Variants in BANK1 observed in about 807,000 individuals in gnomAD.
The protein encoded by BANK1 is B-cell scaffold protein with ankyrin repeats.
BANK1 carries 95 observed loss-of-function variants against 94.5 expected under a neutral mutation model. The observed-to-expected ratio is 1.00, with a 90% CI of 0.85 to 1.19. The LOEUF (loss-of-function observed/expected upper bound fraction) is 1.19, where lower values mean the gene tolerates loss of function less well. Among genes scored for constraint, BANK1 ranks in the 50% most tolerant of loss-of-function variants. The pLI is 0.00. For missense variants in BANK1, 987 were observed against 932.2 expected (o/e 1.06, Z -0.77); for synonymous variants, 334 against 308.4 (o/e 1.08, Z -0.87).
At chr4:101,937,305 T>G (rs1269590625) in intron 7 of BANK1, among the ~76,000 whole-genome samples, 1 of 151,516 alleles carries the variant, frequency 6.6e-6, no homozygotes, top group Non-Finnish European at 1.5e-5. Flanking sequence ...AGACAACCTA[T>G]AGAATAGGAG....
At chr4:101,922,089 G>A (rs1281909196) in intron 7 of BANK1, among the ~76,000 whole-genome samples, 2 of 150,552 alleles carry the variant, frequency 1.3e-5, no homozygotes, top group Non-Finnish European at 3.0e-5. Flanking sequence ...TCCAGTATCT[G>A]ACTGACAGGC....
intron 5 of BANK1, among the ~76,000 whole-genome samples, chr4:101,894,407 C>A (rs1721992275): frequency 6.6e-6 from 1 of 151,982 alleles, no homozygotes; most frequent in Non-Finnish European, 1.5e-5. Flanking sequence ...GAGACCTAAA[C>A]CACTTTATTA....
At chr4:101,974,850 G>A (rs144079848) in intron 7 of BANK1, among the ~76,000 whole-genome samples, 11 of 151,984 alleles carry the variant, frequency 7.2e-5, no homozygotes, top group South Asian at 2.1e-4. Flanking sequence ...CCAGCTACTC[G>A]GGAGGCTGAG....
Position 101,814,607 on chromosome 4 carries a change from T to C in BANK1, c.71-15201T>C, listed in dbSNP as rs368195231. On this transcript the variant is annotated intron_variant, in intron 1 of 16. Coordinates refer to ENST00000322953, the MANE Select transcript of BANK1 (RefSeq NM_017935.5). ...GAGTTTTATTTCATTTTGTCAATAATACTGCCTGTGGTATGGTTTGATACT... is the reference window on the plus strand; with the variant it reads ...GAGTTTTATTTCATTTTGTCAATAACACTGCCTGTGGTATGGTTTGATACT... 2.6e-5 allele frequency among the ~76,000 whole-genome samples: 4 copies of C among 152,328 alleles called. No individual in the cohort carries two copies. In the East Asian group the frequency reaches 5.8e-4, roughly 22 times the overall value.
At chr4:101,903,873 G>A (rs1722360198) in intron 6 of BANK1, among the ~76,000 whole-genome samples, 1 of 152,124 alleles carries the variant, frequency 6.6e-6, no homozygotes, top group Non-Finnish European at 1.5e-5. Flanking sequence ...ATTTTATCAG[G>A]AGCTGTAATT....
chr4:101,848,571 C>G (rs919486673), intron 2 of BANK1, among the ~76,000 whole-genome samples: 1 of 152,140 alleles, frequency 6.6e-6, no homozygotes, highest in Non-Finnish European at 1.5e-5. Context: ...GATCCATTTG[C>G]TAAGATAATA....
chr4:101,969,057 T>G (rs1430465082), intron 7 of BANK1, among the ~76,000 whole-genome samples: 2 of 152,054 alleles, frequency 1.3e-5, no homozygotes, highest in African/African-American at 4.8e-5. Context: ...GAGAGTCGTC[T>G]CTACCATAGA....
chr4:101,810,426 G>T (rs181389318), intron 1 of BANK1, among the ~76,000 whole-genome samples: 1 of 152,044 alleles, frequency 6.6e-6, no homozygotes, highest in African/African-American at 2.4e-5. Context: ...AGGACCTTCC[G>T]CATCAGGCAT....
chr4:101,856,103 G>A (rs1437351538), intron 3 of BANK1, among the ~76,000 whole-genome samples: 5 of 152,150 alleles, frequency 3.3e-5, no homozygotes, highest in Admixed American at 3.3e-4. Flanking sequence ...GGGGCTCACT[G>A]ACCTTTGGGT....
At chr4:101,886,579 C>T (rs1336101074) in intron 5 of BANK1, among the ~76,000 whole-genome samples, 1 of 152,076 alleles carries the variant, frequency 6.6e-6, no homozygotes, top group Non-Finnish European at 1.5e-5. Flanking sequence ...AAAATGGTTA[C>T]TAAAAAGAGG....
At chr4:102,034,098 T>C (rs1727417304) in intron 10 of BANK1, among the ~76,000 whole-genome samples, 1 of 152,140 alleles carries the variant, frequency 6.6e-6, no homozygotes, top group African/African-American at 2.4e-5. Context: ...CAGAAAACCA[T>C]TCACTCAATT....
intron 9 of BANK1, 105 bp from the exon 10 acceptor site, chr4:102,029,855 G>A: frequency 9.7e-7 from 1 of 1,028,592 alleles, no homozygotes; most frequent in Non-Finnish European, 1.4e-6. Flanking sequence ...GTTTCCTACG[G>A]CACTTGACTA....
intron 13 of BANK1, among the ~76,000 whole-genome samples, chr4:102,069,049 C>T (rs1402026308): frequency 1.3e-5 from 2 of 151,924 alleles, no homozygotes; most frequent in Non-Finnish European, 2.9e-5. Context: ...AAGGCAGATA[C>T]AGGAGGCAAA....
In BANK1 at chr4:101,829,930, TTC is replaced by T. The variant is rs1455552244; in HGVS notation, c.197_198del (p.Ser66PhefsTer15). 3 of 1,613,872 alleles carry T rather than the reference TTC, an allele frequency of 1.9e-6. No individual in the cohort carries two copies. In the African/African-American group the frequency reaches 4.0e-5, roughly 22 times the overall value. On this transcript the variant is annotated frameshift_variant, in exon 2 of 17. Transcript: ENST00000322953. LOFTEE classifies it high-confidence loss of function. ...CATCCTGTTATATCGCTTGGAGAATTTCTCTTTTCGGCATTTGGAGTTGCTGA... is the reference window on the plus strand; with the variant it reads ...CATCCTGTTATATCGCTTGGAGAATTTCTTTTCGGCATTTGGAGTTGCTGA... ...EAILLYRLEN[F>X]SFRHLELLNL... is the part of the protein sequence containing the mutation.
intron 5 of BANK1, among the ~76,000 whole-genome samples, chr4:101,885,791 C>A (rs547188475): frequency 6.6e-6 from 1 of 152,278 alleles, no homozygotes; most frequent in South Asian, 2.1e-4. Flanking sequence ...TGTGCAAACA[C>A]CATGTGCAAA....
chr4:101,896,982 A>G (rs541257170), intron 6 of BANK1, among the ~76,000 whole-genome samples: 5 of 152,116 alleles, frequency 3.3e-5, no homozygotes, highest in Middle Eastern at 3.4e-3. Flanking sequence ...TAATGTTCCA[A>G]TGTATACTTA....
intron 7 of BANK1, among the ~76,000 whole-genome samples, chr4:101,997,982 T>C (rs1725936870): frequency 6.6e-6 from 1 of 152,182 alleles, no homozygotes; most frequent in South Asian, 2.1e-4. Context: ...TTGCTTTTGT[T>C]TCTCTAGTTC....
intron 5 of BANK1, among the ~76,000 whole-genome samples, chr4:101,894,915 A>T (rs1427968742): frequency 6.6e-6 from 1 of 151,988 alleles, no homozygotes; most frequent in Non-Finnish European, 1.5e-5. Flanking sequence ...TGATCATTTT[A>T]TCATTTCATT....
chr4:101,898,735 T>G (rs894479876), intron 6 of BANK1, among the ~76,000 whole-genome samples: 6 of 152,142 alleles, frequency 3.9e-5, no homozygotes, highest in Admixed American at 6.6e-5. Flanking sequence ...ATTCTGGGTT[T>G]AGTTTCCTGC....
Sources: allele counts gnomAD v4.1 joint callset (sites outside exome capture counted in the v4.1 genomes callset), GRCh38; gene constraint gnomAD v4.1.1; transcripts MANE v1.5; gene names NCBI Gene and HGNC (gene_info 2026-07-23, HGNC 2026-07-21).